Variants in ZNF638 observed in about 807,000 individuals in gnomAD.
ZNF638 encodes CTCL tumor antigen se33-1.
Under a neutral mutation model 195.6 loss-of-function variants are expected in ZNF638, and 46 were observed. The ratio of observed to expected loss-of-function variants is 0.24; its 90% CI spans 0.19 to 0.30. The LOEUF (loss-of-function observed/expected upper bound fraction) is 0.30. Among genes scored for constraint, ZNF638 ranks in the 10% least tolerant of loss-of-function variants. The pLI is 1.00. For synonymous variants in ZNF638, 845 were observed against 772.0 expected (o/e 1.09, Z -1.57); for missense variants, 2,440 against 2,325.3 (o/e 1.05, Z -1.01).
At chr2:71,348,716 A>C in intron 1 of ZNF638, 37 bp from the exon 2 acceptor site, 1 of 1,474,498 alleles carries the variant, frequency 6.8e-7, no homozygotes, top group Non-Finnish European at 9.0e-7. Flanking sequence ...AAGTAGTTTG[A>C]GTTAAAATGA....
chr2:71,388,694 G>C, intron 10 of ZNF638: 2 of 1,154,132 alleles, frequency 1.7e-6, no homozygotes, highest in Non-Finnish European at 2.6e-6. Context: ...CGGAACCCCC[G>C]AAAATGAAGG....
chr2:71,386,427 T>C (rs1378632761), intron 10 of ZNF638, among the ~76,000 whole-genome samples: 1 of 152,178 alleles, frequency 6.6e-6, no homozygotes, highest in African/African-American at 2.4e-5. Flanking sequence ...AATAATGCAT[T>C]AGATGCATTC....
intron 10 of ZNF638, among the ~76,000 whole-genome samples, chr2:71,388,932 G>A (rs1330380201): frequency 6.6e-6 from 1 of 152,168 alleles, no homozygotes; most frequent in African/African-American, 2.4e-5. Context: ...GTTCCCAGCA[G>A]AAGGCATGCT....
At position 71,349,070 on chromosome 2, in the gene ZNF638, T is replaced by A. The variant is rs2078900369; in HGVS notation, c.116T>A (p.Leu39His). Residue 39 changes from leucine to histidine, a missense_variant, in exon 2 of 28, where the codon CTC (leucine) becomes CAC (histidine). By Grantham distance (99) the Leu-to-His change is moderately conservative (BLOSUM62 -3). This residue lies in a region of ZNF638 where 191 missense variants were observed against 173.8 expected (regional missense o/e 1.10). Coordinates refer to ENST00000264447, the MANE Select transcript of ZNF638 (RefSeq NM_014497.5). ...GPFMRPGSMG[L>H]PRFYPAGRAR... ...TTTATGAGGCCTGGATCTATGGGTC[T>A]CCCAAGATTTTACCCAGCAGGGAGA... is the stretch of plus-strand genomic sequence containing the variant. The A allele has an allele frequency of 6.2e-7, 1 of 1,614,070 alleles. No individual in the cohort carries two copies. The highest frequency in any genetic ancestry group is 1.3e-5 in the African/African-American group (1 of 74,922).
intron 15 of ZNF638, among the ~76,000 whole-genome samples, chr2:71,401,339 G>A (rs1328011734): frequency 6.9e-5 from 2 of 29,002 alleles, no homozygotes; most frequent in South Asian, 1.3e-3. Flanking sequence ...AGAAGGGATG[G>A]CAGAAAACAA....
At chr2:71,399,427 T>C (rs1374877733) in intron 12 of ZNF638, 132 bp from the exon 13 acceptor site, 3 of 641,234 alleles carry the variant, frequency 4.7e-6, no homozygotes, top group East Asian at 2.9e-5. Flanking sequence ...TGAAAATAAA[T>C]AGAAATAATG....
chr2:71,409,722 A>T (rs2080174175), intron 20 of ZNF638, among the ~76,000 whole-genome samples: 1 of 152,172 alleles, frequency 6.6e-6, no homozygotes, highest in African/African-American at 2.4e-5. Context: ...GTGTAACTTA[A>T]TTACTATTTG....
intron 8 of ZNF638, among the ~76,000 whole-genome samples, chr2:71,373,005 A>G (rs1573068821): frequency 6.6e-6 from 1 of 152,174 alleles, no homozygotes; most frequent in Admixed American, 6.5e-5. Flanking sequence ...GACATTTATG[A>G]TAGTGGTTTT....
chr2:71,380,846 T>C (rs928006231), intron 10 of ZNF638: 23 of 246,330 alleles, frequency 9.3e-5, no homozygotes, highest in Admixed American at 4.4e-4. Context: ...AGGTTAGTTA[T>C]GCAATATCTC....
In ZNF638 at chr2:71,399,584, A is replaced by G. The variant is rs375204932; in HGVS notation, c.2526A>G (p.Leu842=). 1.1e-5 allele frequency: 17 copies of G among 1,612,888 alleles called. No homozygotes were observed. In the Admixed American group the frequency reaches 2.5e-4, roughly 24 times the overall value. The change falls in exon 13 of 28, where the codon CTA becomes CTG. Residue 842 remains leucine, a synonymous_variant. Transcript: ENST00000264447. The part of the protein sequence containing the change: ...KTAKSGGKKS[L]EAKKTGNVKN... Reference sequence around the variant, plus strand: ...CAAAATCTGGTGGAAAGAAGTCTCTAGAAGCCAAAAAGACTGGGAATGTCA... The same window carrying G: ...CAAAATCTGGTGGAAAGAAGTCTCTGGAAGCCAAAAAGACTGGGAATGTCA...
chr2:71,387,081 C>G (rs527898843), intron 10 of ZNF638, among the ~76,000 whole-genome samples: 42 of 151,806 alleles, frequency 2.8e-4, no homozygotes, highest in African/African-American at 9.2e-4. Flanking sequence ...ATTACATAAG[C>G]TGATTCTAAG....
Position 71,434,890 on chromosome 2 carries a change from T to A in ZNF638, c.*83T>A. 7.7e-7 allele frequency: 1 copy of A among 1,300,236 alleles called. No individual in the cohort carries two copies. The highest frequency in any genetic ancestry group is 2.6e-5 in the Admixed American group (1 of 37,830). 80.5% of individuals were successfully genotyped at this position (1,300,236 alleles called of 1,614,324 possible). On this transcript the variant is annotated 3_prime_UTR_variant, in exon 28 of 28. Coordinates refer to ENST00000264447, the MANE Select transcript of ZNF638 (RefSeq NM_014497.5). ...TTTTTGTTATCATTTAATTTGTAATTTTCGTTTCAGAAGCAAATATTCGTG... is the reference window on the plus strand; with the variant it reads ...TTTTTGTTATCATTTAATTTGTAATATTCGTTTCAGAAGCAAATATTCGTG...
intron 11 of ZNF638, 30 bp downstream of exon 11, chr2:71,396,221 ATTAG>A (rs758271607): frequency 5.1e-6 from 8 of 1,579,868 alleles, no homozygotes; most frequent in South Asian, 1.1e-5. Flanking sequence ...ATTCTAGACT[ATTAG>A]TTAAAACTTT....
chr2:71,383,978 A>T (rs2079587053), intron 10 of ZNF638, among the ~76,000 whole-genome samples: 1 of 151,628 alleles, frequency 6.6e-6, no homozygotes, highest in South Asian at 2.1e-4. Context: ...TATCCCCTTG[A>T]GTATACTCTT....
At chr2:71,393,157 CA>C (rs201849624) in intron 10 of ZNF638, among the ~76,000 whole-genome samples, 1 of 150,458 alleles carries the variant, frequency 6.6e-6, no homozygotes, top group Non-Finnish European at 1.5e-5. Context: ...GCTCAGAAAA[CA>C]AAAAGGGGAA....
chr2:71,408,373 G>T, intron 20 of ZNF638, 126 bp downstream of exon 20: 1 of 1,191,288 alleles, frequency 8.4e-7, no homozygotes, highest in Non-Finnish European at 1.1e-6. Context: ...GTTGCAATCA[G>T]TGTTCCAATT....
Position 71,349,866 on chromosome 2 carries a change from C to T in ZNF638, c.912C>T (p.Val304=), listed in dbSNP as rs145388354. 11 of 1,614,032 alleles carry T rather than the reference C, an allele frequency of 6.8e-6. No homozygotes were observed. Among genetic ancestry groups the T allele is most frequent in the Non-Finnish European group, 9.3e-6 (11 of 1,180,036 alleles). ...SGLHISGGQS[V]LEPIKSVNQS... Reference sequence around the variant, plus strand: ...TACACATTTCAGGAGGACAGTCAGTCCTTGAACCCATAAAATCCGTCAACC... The same window carrying T: ...TACACATTTCAGGAGGACAGTCAGTTCTTGAACCCATAAAATCCGTCAACC... Residue 304 remains valine (V), a synonymous_variant, in exon 2 of 28, where the codon GTC becomes GTT. Transcript: ENST00000264447.
chr2:71,365,656 T>G lies in ZNF638; in HGVS notation c.1945T>G (p.Leu649Val), dbSNP rs779063870. ...CKSKNLEDDT[L>V]SECKQVSDKA... ...ATCAAAGAATCTTGAAGATGACACT[T>G]TGTCAGAATGTAAACAGGTGTCTGA... Residue 649 changes from leucine (L) to valine (V), a missense_variant, in exon 6 of 28, where the codon TTG (leucine) becomes GTG (valine). By Grantham distance (32) the Leu-to-Val change is conservative. Coordinates refer to ENST00000264447, the MANE Select transcript of ZNF638 (RefSeq NM_014497.5). 5.0e-6 allele frequency: 8 copies of G among 1,613,948 alleles called. No individual in the cohort carries two copies. The East Asian group carries it at 1.6e-4, about 31-fold the overall frequency.
chr2:71,392,925 C>G (rs1335148889), intron 10 of ZNF638, among the ~76,000 whole-genome samples: 1 of 152,144 alleles, frequency 6.6e-6, no homozygotes, highest in Non-Finnish European at 1.5e-5. Context: ...ACCTAATTAG[C>G]GCACATGCTC....
Sources: gnomAD v4.1 joint callset for allele counts (sites outside exome capture counted in the v4.1 genomes callset) on GRCh38, gnomAD v4.1.1 for gene constraint, gnomAD v4.1.1 regional missense constraint, MANE v1.5 for transcripts, NCBI Gene and HGNC (gene_info 2026-07-23, HGNC 2026-07-21) for gene names.